The following DCST2 variants were observed in gnomAD, a reference collection of about 807,000 sequenced individuals.
DCST2 encodes the protein DC-STAMP domain-containing protein 2.
Under a neutral mutation model 81.8 loss-of-function variants are expected in DCST2, and 64 were observed. The ratio of observed to expected loss-of-function variants is 0.78; its 90% CI spans 0.64 to 0.96. The LOEUF is 0.96. Ranked by LOEUF, DCST2 falls within the 40% of genes least tolerant of loss-of-function variation. DCST2 has a pLI of 0.00. For missense variants in DCST2, 945 were observed against 1,001.4 expected (o/e 0.94, Z 0.76); for synonymous variants, 354 against 402.6 (o/e 0.88, Z 1.44).
intron 2 of DCST2, 21 bp from the exon 3 acceptor site, chr1:155,032,789 G>T: frequency 6.2e-7 from 1 of 1,603,350 alleles, no homozygotes; most frequent in South Asian, 1.1e-5. Flanking sequence ...AGGGACAGAG[G>T]CACTTTGGAG....
Position 155,031,217 on chromosome 1 carries a change from C to G in DCST2, c.757G>C (p.Val253Leu). 6.3e-7 allele frequency: 1 copy of G among 1,587,328 alleles called. No homozygotes were observed. Among genetic ancestry groups the G allele is most frequent in the Non-Finnish European group, 8.6e-7 (1 of 1,168,300 alleles). The change falls in exon 5 of 15, where the codon GTC (valine) becomes CTC (leucine). Residue 253 changes from valine to leucine, a missense_variant. Physicochemically the swap from Val to Leu is conservative, Grantham distance 32. Coordinates refer to ENST00000368424, the MANE Select transcript of DCST2 (RefSeq NM_144622.3). ...AAGGGTTGAATGTACTTAGGGATGA[C>G]GCAGAACACCTGGACCACTGAGGGG... ...GLASLVQVFC[V>L]IPKYIQPFLR...
At position 155,030,627 on chromosome 1, in the gene DCST2, T is replaced by G. The variant is rs147037575; in HGVS notation, c.824A>C (p.Asn275Thr). Residue 275 changes from asparagine (N) to threonine (T), a missense_variant, in exon 6 of 15, where the codon AAC (asparagine) becomes ACC (threonine). Asn to Thr is a moderately conservative substitution (Grantham distance 65). Transcript: ENST00000368424. The part of the protein sequence containing the change: ...TIGTPVIQLL[N>T]RVRQEFEFNM... ...GAACTCAAACTCCTGACGCACCCGGTTGAGCAACTGAATCACGGCTGGGGC... is the reference window on the plus strand; with the variant it reads ...GAACTCAAACTCCTGACGCACCCGGGTGAGCAACTGAATCACGGCTGGGGC... 1.2e-6 allele frequency: 2 copies of G among 1,613,860 alleles called. No homozygotes were observed. The highest frequency in any genetic ancestry group is 1.3e-5 in the African/African-American group (1 of 74,946).
chr1:155,026,523 A>G (rs751644853), intron 9 of DCST2, 25 bp downstream of exon 9: 14 of 1,613,530 alleles, frequency 8.7e-6, no homozygotes, highest in Non-Finnish European at 1.2e-5. Context: ...CCACGCCCCC[A>G]GGGACCTCAG....
chr1:155,032,590 T>C, intron 3 of DCST2, 77 bp downstream of exon 3: 2 of 1,266,440 alleles, frequency 1.6e-6, no homozygotes, highest in South Asian at 2.4e-5. Flanking sequence ...GTGCTGGGAT[T>C]ACAGGCATGA....
intron 5 of DCST2, 166 bp from the exon 6 acceptor site, chr1:155,030,811 C>T (rs777032075): frequency 1.0e-4 from 70 of 673,652 alleles, no homozygotes; most frequent in Non-Finnish European, 1.4e-4. Context: ...AAAGCCTCCA[C>T]GTATCTGTGC....
chr1:155,033,363 C>G (rs1328960379), intron 1 of DCST2, 71 bp downstream of exon 1: 4 of 1,589,816 alleles, frequency 2.5e-6, no homozygotes, highest in African/African-American at 2.7e-5. Context: ...ACCCCTGCCT[C>G]TCCTCCAGCA....
rs201009643 is a variant in DCST2, at chr1:155,030,524, G to A, written c.927C>T (p.His309=). 366 of 1,614,148 alleles carry A rather than the reference G, an allele frequency of 2.3e-4. 2 individuals carry two copies. The East Asian group carries it at 6.7e-3, about 29-fold the overall frequency. ...GGTGCAGCTTCATGCTGACAGCCTC[G>A]TGGAGGTCCATGGCTACCTGGGACA... The part of the protein sequence containing the change: ...RSLSQVAMDL[H]EAVSMKLHRV... Residue 309 remains histidine (H), a synonymous_variant, in exon 6 of 15, where the codon CAC becomes CAT. Coordinates refer to ENST00000368424, the MANE Select transcript of DCST2 (RefSeq NM_144622.3).
chr1:155,019,256 C>T (rs367777862), intron 14 of DCST2, among the ~76,000 whole-genome samples: 5 of 152,260 alleles, frequency 3.3e-5, no homozygotes, highest in African/African-American at 1.2e-4. Flanking sequence ...TTTTGCAAAG[C>T]CCCTGGCTGC....
At position 155,031,755 on chromosome 1, in the gene DCST2, A is replaced by G. The variant is rs1485816443; in HGVS notation, c.558T>C (p.Asn186=). Residue 186 remains asparagine (N), a synonymous_variant, in exon 4 of 15, where the codon AAT becomes AAC. Coordinates refer to ENST00000368424, the MANE Select transcript of DCST2 (RefSeq NM_144622.3). Reference sequence around the variant, plus strand: ...CGATGTGCAGGAGCCACTGCCACACATTCCGGAGAGCCCTGGCTGGGGACA... The same window carrying G: ...CGATGTGCAGGAGCCACTGCCACACGTTCCGGAGAGCCCTGGCTGGGGACA... ...GVKHIARALR[N]VWQWLLHIGD... The G allele has an allele frequency of 1.9e-6, 3 of 1,613,862 alleles. No individual in the cohort carries two copies. The African/African-American group carries it at 4.0e-5, about 22-fold the overall frequency.
chr1:155,031,515 T>TTCCCCCCC, intron 4 of DCST2, 59 bp downstream of exon 4: 95 of 643,106 alleles, frequency 1.5e-4, no homozygotes, highest in South Asian at 3.0e-4. Context: ...ACCCCCACAT[T>TTCCCCCCC]CCCACCCCAC....
intron 8 of DCST2, among the ~76,000 whole-genome samples, chr1:155,028,727 G>A (rs140955171): frequency 0.02 from 2,869 of 144,868 alleles, 99 homozygotes; most frequent in African/African-American, 0.069. Flanking sequence ...ACAAAAATAA[G>A]CTGGGCATGG....
chr1:155,031,174 C>A lies in DCST2; in HGVS notation c.800G>T (p.Gly267Val), dbSNP rs368661864. 6.3e-7 allele frequency: 1 copy of A among 1,590,354 alleles called. No homozygotes were observed. The highest frequency in any genetic ancestry group is 8.5e-7 in the Non-Finnish European group (1 of 1,171,400). ...GGCAGGAGGGGGTCACTCACGGGTG[C>A]CGATGGTCTGGCGCAAGAAGGGTTG... ...YIQPFLRQTIGTPVIQLLNRV... is the reference protein window; with the variant it reads ...YIQPFLRQTIVTPVIQLLNRV... Residue 267 changes from glycine to valine, a missense_variant, in exon 5 of 15, where the codon GGC becomes GTC. Physicochemically the swap from Gly to Val is moderately radical, Grantham distance 109. Transcript: ENST00000368424.
Position 155,033,124 on chromosome 1 carries a change from C to A in DCST2, c.409G>T (p.Val137Leu). ...AGAGGTTGCTTGGCCCTCTGTAGCA[C>A]TTCGGCGGTCTGGTTCAGGGCCAGC... Reference protein sequence around the residue: ...AELALNQTAEVLQRAKQPLVS... With the variant: ...AELALNQTAELLQRAKQPLVS... The change falls in exon 2 of 15, where the codon GTG becomes TTG. Residue 137 changes from valine to leucine, a missense_variant. Physicochemically the swap from Val to Leu is conservative, Grantham distance 32 (BLOSUM62 1). Coordinates refer to ENST00000368424, the MANE Select transcript of DCST2 (RefSeq NM_144622.3). 6.3e-7 allele frequency: 1 copy of A among 1,597,156 alleles called. No homozygotes were observed. The highest frequency in any genetic ancestry group is 8.5e-7 in the Non-Finnish European group (1 of 1,172,320).
intron 14 of DCST2, among the ~76,000 whole-genome samples, chr1:155,020,713 T>A (rs1304965532): frequency 6.6e-6 from 1 of 152,212 alleles, no homozygotes; most frequent in Non-Finnish European, 1.5e-5. Context: ...TCATGACAGA[T>A]CCAGTTTTGG....
intron 1 of DCST2, 57 bp downstream of exon 1, chr1:155,033,377 C>G: frequency 6.3e-7 from 1 of 1,598,254 alleles, no homozygotes; most frequent in Non-Finnish European, 8.5e-7. Context: ...TCCAGCATCT[C>G]TTCTGCCCCA....
chr1:155,030,030 G>T lies in DCST2; in HGVS notation c.1177+54C>A, dbSNP rs375685016. Reference sequence around the variant, plus strand: ...GGCTTAGGGGCAGGGCAGCGGGGTGGGGGGAAGCCCTGGCCTCCCTGGCTT... The same window carrying T: ...GGCTTAGGGGCAGGGCAGCGGGGTGTGGGGAAGCCCTGGCCTCCCTGGCTT... On this transcript the variant is annotated intron_variant, in intron 7 of 14. Coordinates refer to ENST00000368424, the MANE Select transcript of DCST2 (RefSeq NM_144622.3). 1.2e-5 allele frequency: 20 copies of T among 1,604,428 alleles called. No individual in the cohort carries two copies. The South Asian group carries it at 2.0e-4, about 16-fold the overall frequency.
Position 155,030,578 on chromosome 1 carries a change from G to T in DCST2, c.873C>A (p.Phe291Leu). Residue 291 changes from phenylalanine to leucine, a missense_variant, in exon 6 of 15, where the codon TTC becomes TTA. By Grantham distance (22) the Phe-to-Leu change is conservative. Transcript: ENST00000368424. ...TCCGAGAGGCATTGAGATCCACAGA[G>T]AAGTGGTGGGTGGCTGTCATGTTGA... ...FEFNMTATHH[F>L]SVDLNASRSL... The T allele has an allele frequency of 1.9e-6, 3 of 1,614,158 alleles. No homozygotes were observed. The highest frequency in any genetic ancestry group is 2.5e-6 in the Non-Finnish European group (3 of 1,180,038).
chr1:155,018,739 C>G lies in DCST2; in HGVS notation c.2127G>C (p.Gly709=), dbSNP rs764552167. Residue 709 remains glycine, a synonymous_variant, in exon 15 of 15, where the codon GGG becomes GGC. Coordinates refer to ENST00000368424, the MANE Select transcript of DCST2 (RefSeq NM_144622.3). Reference sequence around the variant, plus strand: ...GCTGCCCGTGCTTCCTCTGCTGAGGCCCCTTCTCCTCATCCAGGTCACTAG... The same window carrying G: ...GCTGCCCGTGCTTCCTCTGCTGAGGGCCCTTCTCCTCATCCAGGTCACTAG... ...SESSDLDEEK[G]PQQRKHGQQP... is the part of the protein sequence containing the mutation. 13 of 1,613,188 alleles carry G rather than the reference C, an allele frequency of 8.1e-6. No homozygotes were observed. The highest frequency in any genetic ancestry group is 8.5e-6 in the Non-Finnish European group (10 of 1,179,924).
chr1:155,033,232 A>G lies in DCST2; in HGVS notation c.301T>C (p.Phe101Leu), dbSNP rs768568509. Residue 101 changes from phenylalanine (F) to leucine (L), a missense_variant, in exon 2 of 15, where the codon TTT becomes CTT. By Grantham distance (22) the Phe-to-Leu change is conservative. Coordinates refer to ENST00000368424, the MANE Select transcript of DCST2 (RefSeq NM_144622.3). The part of the protein sequence containing the change: ...QGRTLLLVAA[F>L]GLVLQGPCAN... ...CAAGGCCCTTGAAGCACCAACCCAAAAGCAGCCACCAACAGTAGTGTCCGG... is the reference window on the plus strand; with the variant it reads ...CAAGGCCCTTGAAGCACCAACCCAAGAGCAGCCACCAACAGTAGTGTCCGG... 12 of 1,613,790 alleles carry G rather than the reference A, an allele frequency of 7.4e-6. No individual in the cohort carries two copies. In the Admixed American group the frequency reaches 1.7e-4, roughly 22 times the overall value.
Sources: allele counts gnomAD v4.1 joint callset (sites outside exome capture counted in the v4.1 genomes callset), GRCh38; gene constraint gnomAD v4.1.1; transcripts MANE v1.5; gene names NCBI Gene and HGNC (gene_info 2026-07-23, HGNC 2026-07-21).